The following NTS variants were observed in gnomAD, a reference collection of about 807,000 sequenced individuals.
The protein encoded by NTS is neurotensin, also known as neurotensin/neuromedin N.
In NTS, 20 loss-of-function variants were observed where a neutral mutation model predicts 19.5. The observed-to-expected ratio is 1.02, with a 90% CI of 0.72 to 1.49. NTS has a LOEUF of 1.49. NTS is among the 40% of genes most tolerant of loss of function. The probability of loss-of-function intolerance (pLI) is 0.00; values close to 1 mark genes in which losing one functional copy is unlikely to be tolerated. For missense variants in NTS, 215 were observed against 193.1 expected, an observed-to-expected ratio of 1.11 and a Z score of -0.67; for synonymous variants, 71 against 63.3, an observed-to-expected ratio of 1.12 and a Z score of -0.58.
In NTS at chr12:85,882,424, T is replaced by G. The variant is rs1881522228; in HGVS notation, c.*49T>G. 5.4e-6 allele frequency: 7 copies of G among 1,306,426 alleles called. No homozygotes were observed. The highest frequency in any genetic ancestry group is 3.0e-5 in the African/African-American group (2 of 65,908). 80.9% of individuals were successfully genotyped at this position (1,306,426 alleles called of 1,614,324 possible). ...GTGATTGTGATTCATCATCCCTTAA[T>G]TAAATATCAAATTATATTTGTGTGA... On this transcript the variant is annotated 3_prime_UTR_variant, in exon 4 of 4. Coordinates refer to ENST00000256010, the MANE Select transcript of NTS (RefSeq NM_006183.5).
intron 3 of NTS, among the ~76,000 whole-genome samples, chr12:85,881,054 A>G (rs532625933): frequency 6.6e-6 from 1 of 152,334 alleles, no homozygotes; most frequent in Admixed American, 6.5e-5. Context: ...AAACCTCAGT[A>G]AACTATTATG....
chr12:85,879,247 A>AT (rs368967776), intron 3 of NTS, among the ~76,000 whole-genome samples: 8 of 24 alleles, frequency 0.33, 4 homozygotes, highest in South Asian at 0.5. Context: ...TGTAAAATAT[A>AT]TTATACATAA....
At chr12:85,881,515 G>T (rs1046158019) in intron 3 of NTS, among the ~76,000 whole-genome samples, 2 of 152,184 alleles carry the variant, frequency 1.3e-5, no homozygotes, top group African/African-American at 4.8e-5. Context: ...TTAGAATGGG[G>T]CATACTCCTG....
intron 3 of NTS, among the ~76,000 whole-genome samples, chr12:85,880,895 T>C (rs2136594385): frequency 6.6e-6 from 1 of 152,194 alleles, no homozygotes; most frequent in African/African-American, 2.4e-5. Flanking sequence ...GAGCTTGCAG[T>C]GAGCTGAGAT....
At chr12:85,875,322 C>A (rs868473806) in intron 1 of NTS, among the ~76,000 whole-genome samples, 2 of 152,082 alleles carry the variant, frequency 1.3e-5, no homozygotes, top group Middle Eastern at 3.4e-3. Context: ...AGAAATATTA[C>A]AATGAACACT....
At chr12:85,881,871 A>G (rs910359331) in intron 3 of NTS, among the ~76,000 whole-genome samples, 1 of 152,132 alleles carries the variant, frequency 6.6e-6, no homozygotes. Flanking sequence ...CATAAATTGA[A>G]GCCTGAAAAG....
At position 85,879,326 on chromosome 12, in the gene NTS, G is replaced by A. The variant is rs186949800; in HGVS notation, c.360+757G>A. Among the ~76,000 whole-genome samples the A allele has an allele frequency of 8.1e-4, 47 of 57,932 alleles. 23 individuals are homozygous for A. Among genetic ancestry groups the A allele is most frequent in the Admixed American group, 2.3e-3 (12 of 5,212 alleles). 38.0% of individuals were successfully genotyped at this position (57,932 alleles called of 152,430 possible). A position where few individuals can be genotyped will look rare whatever the true frequency, so the allele number is the denominator to read the frequency against. ...TTTATGTATATAAAATATATTTAAT[G>A]TATATTTTATGTATATTTTATGTAT... On this transcript the variant is annotated intron_variant, in intron 3 of 3. Coordinates refer to ENST00000256010, the MANE Select transcript of NTS (RefSeq NM_006183.5).
rs748976914 is a variant in NTS, at chr12:85,882,290, A to G, written c.428A>G (p.Lys143Arg). The part of the protein sequence containing the change: ...KNGKEEVIKR[K>R]IPYILKRQLY... ...GGAAAGGAAGAAGTCATAAAGAGAA[A>G]AATTCCTTATATTCTGAAACGGCAG... The change falls in exon 4 of 4, where the codon AAA becomes AGA. Residue 143 changes from lysine (K) to arginine (R), a missense_variant. By Grantham distance (26) the Lys-to-Arg change is conservative. Transcript: ENST00000256010. 6.2e-7 allele frequency: 1 copy of G among 1,609,110 alleles called. No homozygotes were observed. Among genetic ancestry groups the G allele is most frequent in the Non-Finnish European group, 8.5e-7 (1 of 1,177,616 alleles).
chr12:85,874,550 T>C, intron 1 of NTS, 74 bp downstream of exon 1: 1 of 997,562 alleles, frequency 1.0e-6, no homozygotes, highest in Non-Finnish European at 1.6e-6. Context: ...GCTACTTATG[T>C]TAATGTATCT....
intron 3 of NTS, among the ~76,000 whole-genome samples, chr12:85,879,067 AT>A (rs1881415362): frequency 1.4e-5 from 2 of 146,382 alleles, no homozygotes; most frequent in South Asian, 4.3e-4. Flanking sequence ...TTTTATGTAT[AT>A]TTTAATGTAC....
intron 1 of NTS, among the ~76,000 whole-genome samples, chr12:85,875,665 C>T (rs571093712): frequency 4.8e-4 from 73 of 152,012 alleles, no homozygotes; most frequent in Non-Finnish European, 7.5e-4. Flanking sequence ...ATTGATTAAG[C>T]ACTGTGTTTA....
Position 85,874,414 on chromosome 12 carries a change from G to A in NTS, c.11G>A (p.Gly4Glu). The change falls in exon 1 of 4, where the codon GGA becomes GAA. Residue 4 changes from glycine (G) to glutamate (E), a missense_variant. By Grantham distance (98) the Gly-to-Glu change is moderately conservative (BLOSUM62 -2). Coordinates refer to ENST00000256010, the MANE Select transcript of NTS (RefSeq NM_006183.5). ...TTAGAAGGCTGAAAGATGATGGCAG[G>A]AATGAAAATCCAGCTTGTATGCATG... MMA[G>E]MKIQLVCMLL... 8.1e-6 allele frequency: 13 copies of A among 1,613,314 alleles called. No individual in the cohort carries two copies. Among genetic ancestry groups the A allele is most frequent in the Non-Finnish European group, 1.1e-5 (13 of 1,179,326 alleles).
intron 3 of NTS, among the ~76,000 whole-genome samples, chr12:85,880,948 T>G (rs141858632): frequency 6.6e-6 from 1 of 152,156 alleles, no homozygotes; most frequent in African/African-American, 2.4e-5. Context: ...CGAGACTCCA[T>G]CTCGAGCAAA....
At chr12:85,880,709 T>C (rs1592551175) in intron 3 of NTS, among the ~76,000 whole-genome samples, 1 of 152,142 alleles carries the variant, frequency 6.6e-6, no homozygotes, top group Non-Finnish European at 1.5e-5. Flanking sequence ...TCCCAGCACT[T>C]TGGGAGGCCG....
chr12:85,879,789 A>C (rs182642077), intron 3 of NTS, among the ~76,000 whole-genome samples: 6 of 122,964 alleles, frequency 4.9e-5, no homozygotes, highest in Admixed American at 8.1e-5. Context: ...TTTTTTGTAT[A>C]TTTTTGTATA....
Position 85,882,561 on chromosome 12 carries a change from A to T in NTS, c.*186A>T. 2.0e-6 allele frequency: 1 copy of T among 509,656 alleles called. No homozygotes were observed. Among genetic ancestry groups the T allele is most frequent in the Non-Finnish European group, 3.4e-6 (1 of 292,134 alleles). 31.6% of individuals were successfully genotyped at this position (509,656 alleles called of 1,614,324 possible). ...TGTTTTCAAATAAATCTAAATCTTC[A>T]GCATGATGTGTTGTGTATAATTGGA... On this transcript the variant is annotated 3_prime_UTR_variant, in exon 4 of 4. Transcript: ENST00000256010.
intron 2 of NTS, 91 bp from the exon 3 acceptor site, chr12:85,878,254 C>A: frequency 2.3e-6 from 2 of 865,636 alleles, no homozygotes; most frequent in African/African-American, 3.4e-5. Flanking sequence ...AGCAATTAGA[C>A]CCTAAATGTG....
chr12:85,882,128 T>C, intron 3 of NTS, 95 bp from the exon 4 acceptor site: 1 of 977,440 alleles, frequency 1.0e-6, no homozygotes, highest in East Asian at 2.5e-5. Context: ...TATGTCTTGC[T>C]GTCTTAACAG....
rs747505846 is a variant in NTS, at chr12:85,874,415, A to C, written c.12A>C (p.Gly4=). The C allele has an allele frequency of 3.7e-6, 6 of 1,613,338 alleles. 1 individual carries two copies. The Admixed American group carries it at 1.0e-4, about 27-fold the overall frequency. ...TAGAAGGCTGAAAGATGATGGCAGG[A>C]ATGAAAATCCAGCTTGTATGCATGC... The part of the protein sequence containing the change: MMA[G]MKIQLVCMLL... Residue 4 remains glycine (G), a synonymous_variant, in exon 1 of 4, where the codon GGA becomes GGC. Transcript: ENST00000256010.
Sources: gnomAD v4.1 joint callset for allele counts (sites outside exome capture counted in the v4.1 genomes callset) on GRCh38, gnomAD v4.1.1 for gene constraint, MANE v1.5 for transcripts, NCBI Gene and HGNC (gene_info 2026-07-23, HGNC 2026-07-21) for gene names.